CSMD2: variants seen among roughly 807,000 people sequenced by gnomAD.
The protein encoded by CSMD2 is CUB and Sushi multiple domains 2.
A neutral mutation model predicts 398.5 loss-of-function variants in CSMD2; 130 were observed. The ratio of observed to expected loss-of-function variants is 0.33; its 90% CI spans 0.28 to 0.38. The LOEUF (loss-of-function observed/expected upper bound fraction) is 0.38. CSMD2 is among the 10% of genes least tolerant of loss of function. The pLI is 1.00. For synonymous variants in CSMD2, 1,828 were observed against 1,908.5 expected, an observed-to-expected ratio of 0.96 and a Z score of 1.10; for missense variants, 3,829 against 4,764.9, an observed-to-expected ratio of 0.80 and a Z score of 5.78.
chr1:33,605,621 G>A, intron 41 of CSMD2, 151 bp from the exon 42 acceptor site: 1 of 824,038 alleles, frequency 1.2e-6, no homozygotes, highest in South Asian at 1.8e-5. Context: ...TTTAACTTGT[G>A]TACGCCTCAG....
intron 37 of CSMD2, among the ~76,000 whole-genome samples, chr1:33,621,953 A>C (rs1641801240): frequency 6.6e-6 from 1 of 152,184 alleles, no homozygotes. Context: ...CTGAACAGGC[A>C]TACAGGTTTT....
At chr1:33,981,179 T>C (rs1443975196) in intron 3 of CSMD2, among the ~76,000 whole-genome samples, 1 of 152,226 alleles carries the variant, frequency 6.6e-6, no homozygotes, top group East Asian at 1.9e-4. Context: ...GCCTCTGCTC[T>C]GGTTGTTTTG....
intron 21 of CSMD2, 63 bp downstream of exon 21, chr1:33,714,524 T>A: frequency 6.4e-7 from 1 of 1,555,404 alleles, no homozygotes; most frequent in Non-Finnish European, 8.8e-7. Context: ...CCACCTCACA[T>A]CAATTGACTA....
At chr1:34,150,123 C>A (rs568033098) in intron 1 of CSMD2, among the ~76,000 whole-genome samples, 5 of 148,876 alleles carry the variant, frequency 3.4e-5, no homozygotes, top group Non-Finnish European at 7.4e-5. Context: ...GCTCTGTGAC[C>A]CAGGCTAGAG....
At chr1:33,614,451 G>C in intron 40 of CSMD2, 53 bp downstream of exon 40, 1 of 1,061,952 alleles carries the variant, frequency 9.4e-7, no homozygotes, top group South Asian at 1.3e-5. Flanking sequence ...GTAGTTTTAA[G>C]CTCAAGGGTC....
At chr1:33,567,485 A>ATATATATATATATC in intron 53 of CSMD2, 108 bp downstream of exon 53, 2 of 659,316 alleles carry the variant, frequency 3.0e-6, no homozygotes, top group Non-Finnish European at 2.3e-6. Context: ...AATCATATAT[A>ATATATATATATATC]TATATATATA....
At position 33,633,452 on chromosome 1, in the gene CSMD2, G is replaced by T; in HGVS notation, c.5170C>A (p.Leu1724Ile). The change falls in exon 32 of 71, where the codon CTC becomes ATC. Residue 1724 changes from leucine to isoleucine, a missense_variant. By Grantham distance (5) the Leu-to-Ile change is conservative. Coordinates refer to ENST00000373381, the MANE Select transcript of CSMD2 (RefSeq NM_001281956.2). The surrounding 1 kb of genome is among the most constrained non-coding windows in gnomAD (Gnocchi z 5.0). The part of the protein sequence containing the change: ...VHDGHSQHSR[L>I]LSSLSGSHTG... ...TGGGAGCCCGAGAGGGAGCTGAGGAGCCGCGAGTGCTGGCTGTGGCCGTCG... is the reference window on the plus strand; with the variant it reads ...TGGGAGCCCGAGAGGGAGCTGAGGATCCGCGAGTGCTGGCTGTGGCCGTCG... 1 of 1,553,926 alleles carries T rather than the reference G, an allele frequency of 6.4e-7. No individual in the cohort carries two copies. The highest frequency in any genetic ancestry group is 8.7e-7 in the Non-Finnish European group (1 of 1,148,334).
intron 55 of CSMD2, among the ~76,000 whole-genome samples, chr1:33,553,627 T>G (rs914164400): frequency 6.6e-6 from 1 of 152,188 alleles, no homozygotes; most frequent in African/African-American, 2.4e-5. Context: ...GAGGAAGGCA[T>G]GTCGGAAGCT....
At position 33,633,348 on chromosome 1, in the gene CSMD2, A is replaced by T; in HGVS notation, c.5200+74T>A. 8.7e-7 allele frequency: 1 copy of T among 1,146,022 alleles called. No individual in the cohort carries two copies. The highest frequency in any genetic ancestry group is 1.3e-6 in the Non-Finnish European group (1 of 780,524). The allele number at this position is 1,146,022 out of a possible 1,614,324, so 71.0% of individuals were successfully genotyped here. On this transcript the variant is annotated intron_variant, in intron 32 of 70. Coordinates refer to ENST00000373381, the MANE Select transcript of CSMD2 (RefSeq NM_001281956.2). The surrounding 1 kb of genome is among the most constrained non-coding windows in gnomAD (Gnocchi z 5.0). ...CCACCTGCGGCCATGGGGTGCTTCT[A>T]GAGCCTCCTTCCTTTAGCCGGACGT...
At chr1:33,595,781 G>T (rs979888556) in intron 44 of CSMD2, among the ~76,000 whole-genome samples, 3 of 152,174 alleles carry the variant, frequency 2.0e-5, no homozygotes, top group African/African-American at 7.2e-5. Flanking sequence ...CCAGGCTTGG[G>T]ATTAGCCATT....
chr1:33,880,664 A>T (rs919880368), intron 5 of CSMD2, among the ~76,000 whole-genome samples: 1 of 152,242 alleles, frequency 6.6e-6, no homozygotes, highest in African/African-American at 2.4e-5. Context: ...CAAGAGAAAC[A>T]TTACTCAAAC....
intron 5 of CSMD2, among the ~76,000 whole-genome samples, chr1:33,883,144 A>G (rs1641350213): frequency 6.6e-6 from 1 of 152,202 alleles, no homozygotes; most frequent in Non-Finnish European, 1.5e-5. Context: ...CCATTGGTTC[A>G]GTTTCTCCCA....
At chr1:33,882,188 G>A (rs780422955) in intron 5 of CSMD2, 2 of 152,308 alleles carry the variant, frequency 1.3e-5, no homozygotes, top group African/African-American at 4.8e-5. Flanking sequence ...GAGGTTCAGT[G>A]ACTTGTCTAA....
At chr1:34,027,048 AATAG>A (rs1224932887) in intron 3 of CSMD2, among the ~76,000 whole-genome samples, 6 of 152,244 alleles carry the variant, frequency 3.9e-5, no homozygotes, top group Non-Finnish European at 7.3e-5. Context: ...TGGCACCAAA[AATAG>A]ATAGCATAAA....
chr1:33,708,617 T>TATTATTATTATTA (rs1553180016), intron 22 of CSMD2, among the ~76,000 whole-genome samples: 9 of 150,270 alleles, frequency 6.0e-5, no homozygotes, highest in South Asian at 4.2e-4. Context: ...TTATTATTAT[T>TATTATTATTATTA]TTGAGACAGG....
chr1:34,124,964 C>A (rs1026648777), intron 1 of CSMD2, among the ~76,000 whole-genome samples: 1 of 152,122 alleles, frequency 6.6e-6, no homozygotes, highest in Non-Finnish European at 1.5e-5. Flanking sequence ...TCCATGACTT[C>A]GATTCAGTAA....
chr1:33,743,060 T>C (rs1004619806), intron 14 of CSMD2, among the ~76,000 whole-genome samples: 2 of 152,176 alleles, frequency 1.3e-5, no homozygotes, highest in Non-Finnish European at 2.9e-5. Flanking sequence ...TAAATGCCCT[T>C]CAGAGAGGGA....
chr1:33,936,909 G>T (rs1371276351), intron 3 of CSMD2, among the ~76,000 whole-genome samples: 1 of 152,180 alleles, frequency 6.6e-6, no homozygotes, highest in Non-Finnish European at 1.5e-5. Flanking sequence ...ACCTGGCAAT[G>T]ACTTATTGAG....
chr1:33,960,080 G>A (rs1166601361), intron 3 of CSMD2, among the ~76,000 whole-genome samples: 3 of 152,288 alleles, frequency 2.0e-5, no homozygotes, highest in African/African-American at 7.2e-5. Context: ...GGTCCACAGT[G>A]AGGACCCTAC....
Sources: allele counts gnomAD v4.1 joint callset (sites outside exome capture counted in the v4.1 genomes callset), GRCh38; gene constraint gnomAD v4.1.1; non-coding constraint Gnocchi (gnomAD v3.1); transcripts MANE v1.5; gene names NCBI Gene and HGNC (gene_info 2026-07-23, HGNC 2026-07-21).